The following PLCB4 variants were observed in gnomAD, a reference collection of about 807,000 sequenced individuals.
The protein encoded by PLCB4 is phospholipase C beta 4.
In PLCB4, 77 loss-of-function variants were observed where a neutral mutation model predicts 178.8. That is an observed-to-expected ratio of 0.43 (90% CI 0.36 to 0.52). The LOEUF is 0.52. Among genes scored for constraint, PLCB4 ranks in the 20% least tolerant of loss-of-function variants. The probability of loss-of-function intolerance (pLI) is 0.00; values close to 1 mark genes in which losing one functional copy is unlikely to be tolerated. For synonymous variants in PLCB4, 496 were observed against 490.8 expected (o/e 1.01, Z -0.14); for missense variants, 1,024 against 1,453.4 (o/e 0.70, Z 4.80).
chr20:9,103,159 A>G (rs2091236804), intron 2 of PLCB4, among the ~76,000 whole-genome samples: 1 of 151,708 alleles, frequency 6.6e-6, no homozygotes, highest in Non-Finnish European at 1.5e-5. Context: ...ACATTGGCAT[A>G]TACTCTGTGC....
intron 2 of PLCB4, among the ~76,000 whole-genome samples, chr20:9,107,706 G>A: frequency 6.6e-6 from 1 of 152,092 alleles, no homozygotes; most frequent in South Asian, 2.1e-4. Context: ...GACTCCTGCT[G>A]TAAATGGAAT....
chr20:9,325,195 T>G (rs1028392335), intron 4 of PLCB4, among the ~76,000 whole-genome samples: 2 of 152,244 alleles, frequency 1.3e-5, no homozygotes, highest in Non-Finnish European at 2.9e-5. Context: ...CCTGTTTTTC[T>G]TAGGATTTTT....
chr20:9,391,120 GT>G (rs1368933034), intron 17 of PLCB4, among the ~76,000 whole-genome samples: 2 of 152,180 alleles, frequency 1.3e-5, no homozygotes, highest in Non-Finnish European at 2.9e-5. Context: ...TGAAGTTCAT[GT>G]TCCTAACTCC....
chr20:9,293,968 C>T (rs2094606771), intron 3 of PLCB4, among the ~76,000 whole-genome samples: 1 of 152,082 alleles, frequency 6.6e-6, no homozygotes, highest in Non-Finnish European at 1.5e-5. Flanking sequence ...CTGATAAATA[C>T]AGAGAGGAGA....
At chr20:9,254,293 C>T (rs777001882) in intron 3 of PLCB4, among the ~76,000 whole-genome samples, 1 of 152,188 alleles carries the variant, frequency 6.6e-6, no homozygotes, top group Non-Finnish European at 1.5e-5. Flanking sequence ...CTTCAGCTTA[C>T]ATTTGAAAAT....
intron 7 of PLCB4, among the ~76,000 whole-genome samples, chr20:9,351,524 A>G (rs939074625): frequency 2.6e-5 from 4 of 152,236 alleles, no homozygotes; most frequent in East Asian, 1.9e-4. Flanking sequence ...TTTACCATAA[A>G]TATTCTATTT....
chr20:9,153,305 C>G (rs565156867), intron 2 of PLCB4, among the ~76,000 whole-genome samples: 1 of 152,096 alleles, frequency 6.6e-6, no homozygotes, highest in Non-Finnish European at 1.5e-5. Flanking sequence ...GCCTGTGTCC[C>G]CATCCAAAAC....
intron 2 of PLCB4, among the ~76,000 whole-genome samples, chr20:9,181,850 T>C (rs1376616710): frequency 6.6e-6 from 1 of 152,124 alleles, no homozygotes; most frequent in Non-Finnish European, 1.5e-5. Context: ...AAATAATTGT[T>C]CTGTAGAGCT....
At chr20:9,130,026 A>C (rs1358567275) in intron 2 of PLCB4, among the ~76,000 whole-genome samples, 1 of 151,880 alleles carries the variant, frequency 6.6e-6, no homozygotes, top group African/African-American at 2.4e-5. Context: ...TGTGTATTGT[A>C]TTTTTAATAT....
rs199908952 is a variant in PLCB4 at position 9,362,892 on chromosome 20, T to C, written c.370-4T>C. ...ACCAAGAATATTTTTTCTTTCTCTTTCAGCAATGGGTAGAAGGCCTGAGAT... is the reference window on the plus strand; with the variant it reads ...ACCAAGAATATTTTTTCTTTCTCTTCCAGCAATGGGTAGAAGGCCTGAGAT... On this transcript the variant is annotated splice_region_variant and splice_polypyrimidine_tract_variant and intron_variant, in intron 7 of 39. Coordinates refer to ENST00000378473, the MANE Select transcript of PLCB4 (RefSeq NM_001377142.1). 6.2e-7 allele frequency: 1 copy of C among 1,606,932 alleles called. No individual in the cohort carries two copies. The highest frequency in any genetic ancestry group is 1.7e-5 in the Admixed American group (1 of 59,976).
intron 2 of PLCB4, among the ~76,000 whole-genome samples, chr20:9,209,963 C>CAAAAAAAAAA (rs58424232): frequency 2.1e-5 from 1 of 47,912 alleles, no homozygotes; most frequent in African/African-American, 7.7e-5. Context: ...GACTCTGTCT[C>CAAAAAAAAAA]AAAAAAAAAA....
At chr20:9,207,837 G>A (rs1317498494) in intron 2 of PLCB4, among the ~76,000 whole-genome samples, 1 of 152,164 alleles carries the variant, frequency 6.6e-6, no homozygotes, top group Non-Finnish European at 1.5e-5. Flanking sequence ...AGAGAAAAAG[G>A]AATCAATTAT....
intron 3 of PLCB4, among the ~76,000 whole-genome samples, chr20:9,234,982 A>G (rs1355427005): frequency 6.6e-6 from 1 of 152,160 alleles, no homozygotes; most frequent in African/African-American, 2.4e-5. Flanking sequence ...CTTAGTAGAG[A>G]ATGAAGTGTA....
rs1007581142 is a variant in PLCB4, at chr20:9,444,355, A to G, written c.2880+112A>G. The G allele has an allele frequency of 4.6e-6, 3 of 649,794 alleles. No homozygotes were observed. The African/African-American group carries it at 5.5e-5, about 12-fold the overall frequency. The allele number at this position is 649,794 out of a possible 1,614,324, so 40.3% of individuals were successfully genotyped here. ...CACTTAACAGTAATAACTCATTCTAACTGGTTAACAATGAAATTAAAAAAT... is the reference window on the plus strand; with the variant it reads ...CACTTAACAGTAATAACTCATTCTAGCTGGTTAACAATGAAATTAAAAAAT... On this transcript the variant is annotated intron_variant, in intron 32 of 39. Transcript: ENST00000378473.
At chr20:9,427,727 C>T (rs2041123423) in intron 28 of PLCB4, among the ~76,000 whole-genome samples, 1 of 152,154 alleles carries the variant, frequency 6.6e-6, no homozygotes, top group African/African-American at 2.4e-5. Context: ...TTCTTTTTCA[C>T]CCACTGTTGC....
chr20:9,359,374 C>T (rs1353777869), intron 7 of PLCB4, among the ~76,000 whole-genome samples: 2 of 152,176 alleles, frequency 1.3e-5, no homozygotes, highest in Admixed American at 1.3e-4. Flanking sequence ...TCTCTCCTTG[C>T]CCTCCAAACA....
At chr20:9,286,427 G>T (rs560580384) in intron 3 of PLCB4, among the ~76,000 whole-genome samples, 1 of 152,120 alleles carries the variant, frequency 6.6e-6, no homozygotes, top group South Asian at 2.1e-4. Flanking sequence ...ATTAGGGAAG[G>T]TTCTCTGGCT....
At chr20:9,299,612 A>G (rs1446647863) in intron 3 of PLCB4, among the ~76,000 whole-genome samples, 1 of 152,052 alleles carries the variant, frequency 6.6e-6, no homozygotes, top group Non-Finnish European at 1.5e-5. Context: ...AAACTCTTCT[A>G]AATTTGCTAT....
intron 1 of PLCB4, among the ~76,000 whole-genome samples, chr20:9,081,058 T>A (rs1259262320): frequency 6.6e-6 from 1 of 152,208 alleles, no homozygotes; most frequent in Non-Finnish European, 1.5e-5. Context: ...CTCTATACTG[T>A]CTCTTTCTTA....
Sources: allele counts gnomAD v4.1 joint callset (sites outside exome capture counted in the v4.1 genomes callset), GRCh38; gene constraint gnomAD v4.1.1; transcripts MANE v1.5; gene names NCBI Gene and HGNC (gene_info 2026-07-23, HGNC 2026-07-21).